Variants in TAF1 observed in about 807,000 individuals in gnomAD.
The protein encoded by TAF1 is transcription initiation factor TFIID subunit 1.
TAF1 carries 2 observed loss-of-function variants against 138.5 expected under a neutral mutation model. The ratio of observed to expected loss-of-function variants is 0.01; its 90% CI spans 0.01 to 0.05. The LOEUF (loss-of-function observed/expected upper bound fraction) is 0.05. TAF1 is among the 10% of genes least tolerant of loss of function. The pLI is 1.00. For synonymous variants in TAF1, 437 were observed against 503.2 expected (o/e 0.87, Z 1.76); for missense variants, 709 against 1,478.0 (o/e 0.48, Z 8.53).
At chrX:71,411,320 G>A (rs933607822) in intron 28 of TAF1, among the ~76,000 whole-genome samples, 3 of 111,350 alleles carry the variant, frequency 2.7e-5, no homozygotes, top group African/African-American at 9.8e-5. Flanking sequence ...GGCCTCAAGC[G>A]ATTCACTGAC....
rs368022706 is a variant in TAF1 at position 71,444,883 on chromosome X, G to A, written c.4754-9287G>A. On this transcript the variant is annotated intron_variant, in intron 32 of 37. Transcript: ENST00000423759. ...TGAGTAGCTGGGACTACAGTTGCCC[G>A]CCACCACACCCGGCTAATTTTTTCT... Among the ~76,000 whole-genome samples, 254 of 110,169 alleles carry A rather than the reference G, an allele frequency of 2.3e-3. 1 individual carries two copies. The highest frequency in any genetic ancestry group is 0.013 in the South Asian group (34 of 2,592).
At position 71,458,290 on chromosome X, in the gene TAF1, C is replaced by G. The variant is rs1268548823; in HGVS notation, c.4988C>G (p.Ala1663Gly). 1 of 1,211,547 alleles carries G rather than the reference C, an allele frequency of 8.3e-7. No individual in the cohort carries two copies. The highest frequency in any genetic ancestry group is 1.8e-5 in the South Asian group (1 of 56,983). Residue 1663 changes from alanine to glycine, a missense_variant, in exon 35 of 38, where the codon GCC becomes GGC. Coordinates refer to ENST00000423759, the MANE Select transcript of TAF1 (RefSeq NM_004606.5). Reference sequence around the variant, plus strand: ...ACATCCCTCAGTATGTCTCGAGATGCCTCTGTATTTCAAGATGAGAGCAAT... The same window carrying G: ...ACATCCCTCAGTATGTCTCGAGATGGCTCTGTATTTCAAGATGAGAGCAAT... ...TNTSLSMSRDASVFQDESNMS... is the reference protein window; with the variant it reads ...TNTSLSMSRDGSVFQDESNMS...
At position 71,384,014 on chromosome X, in the gene TAF1, G is replaced by A; in HGVS notation, c.2000G>A (p.Arg667His). The A allele has an allele frequency of 8.3e-7, 1 of 1,210,866 alleles. No individual in the cohort carries two copies. The highest frequency in any genetic ancestry group is 1.1e-6 in the Non-Finnish European group (1 of 895,298). ...GGTGGTGGAGAGATGTTTTTTATGC[G>A]CACACCTCAGGACCTCACAGGCAAA... ...ASGGGEMFFM[R>H]TPQDLTGKDG... The change falls in exon 13 of 38, where the codon CGC becomes CAC. Residue 667 changes from arginine to histidine, a missense_variant. By Grantham distance (29) the Arg-to-His change is conservative. Transcript: ENST00000423759.
intron 28 of TAF1, among the ~76,000 whole-genome samples, chrX:71,419,545 A>G (rs1172786780): frequency 9.0e-6 from 1 of 110,864 alleles, no homozygotes; most frequent in Admixed American, 9.6e-5. Context: ...AAGAAACACA[A>G]AAGGAAACAA....
intron 26 of TAF1, among the ~76,000 whole-genome samples, chrX:71,407,188 T>A (rs1316362368): frequency 9.2e-6 from 1 of 108,597 alleles, no homozygotes; most frequent in Non-Finnish European, 1.9e-5. Flanking sequence ...AGTGCTGGGA[T>A]TACAGTGAGC....
At chrX:71,456,366 G>A (rs1159166236) in intron 34 of TAF1, among the ~76,000 whole-genome samples, 2 of 111,737 alleles carry the variant, frequency 1.8e-5, no homozygotes, top group Non-Finnish European at 3.8e-5. Flanking sequence ...TTCCTATGAA[G>A]AGTAGGATTA....
At chrX:71,413,359 T>C (rs1357417665) in intron 28 of TAF1, among the ~76,000 whole-genome samples, 1 of 112,088 alleles carries the variant, frequency 8.9e-6, no homozygotes, top group African/African-American at 3.2e-5. Flanking sequence ...TGTTATTGTC[T>C]ATCTTTTTCC....
At chrX:71,382,450 C>T (rs2033956966) in intron 9 of TAF1, 86 bp from the exon 10 acceptor site, 95 of 1,137,746 alleles carry the variant, frequency 8.3e-5, no homozygotes, top group Non-Finnish European at 9.7e-5. Flanking sequence ...ACATCCGTCA[C>T]CTTAAAGAAG....
chrX:71,392,759 G>T lies in TAF1; in HGVS notation c.2931+41G>T, dbSNP rs750842781. The T allele has an allele frequency of 8.4e-6, 10 of 1,190,042 alleles. No individual in the cohort carries two copies. The South Asian group carries it at 1.3e-4, about 16-fold the overall frequency. ...TTTCTAGAATGAAAAAGTCAAGGGA[G>T]AAAGAAATGGGTGAGTGGAGGACTT... On this transcript the variant is annotated intron_variant, in intron 19 of 37. Coordinates refer to ENST00000423759, the MANE Select transcript of TAF1 (RefSeq NM_004606.5).
chrX:71,386,862 T>G (rs1172464604), intron 14 of TAF1, among the ~76,000 whole-genome samples: 1 of 113,144 alleles, frequency 8.8e-6, no homozygotes, highest in African/African-American at 3.2e-5. Flanking sequence ...AGTAGTATAG[T>G]ACTTGGTACA....
At chrX:71,467,148 G>A (rs993426521), downstream of TAF1, among the ~76,000 whole-genome samples, 10 of 101,622 alleles carry the variant, frequency 9.8e-5, no homozygotes, top group African/African-American at 3.3e-4. Flanking sequence ...AGAGGGGGAT[G>A]TGGCAGGGTC....
chrX:71,366,764 A>G (rs1283638162), intron 1 of TAF1, among the ~76,000 whole-genome samples: 2 of 111,312 alleles, frequency 1.8e-5, no homozygotes, highest in Non-Finnish European at 3.8e-5. Context: ...ACCAGACAGT[A>G]GGACACATGC....
At chrX:71,453,073 G>A (rs947310714) in intron 32 of TAF1, among the ~76,000 whole-genome samples, 36 of 110,561 alleles carry the variant, frequency 3.3e-4, no homozygotes, top group Non-Finnish European at 4.9e-4. Context: ...GAGGGAGACC[G>A]TGGGGAGACG....
chrX:71,380,547 G>A (rs2033813757), intron 8 of TAF1, among the ~76,000 whole-genome samples: 1 of 110,121 alleles, frequency 9.1e-6, no homozygotes, highest in South Asian at 3.9e-4. Flanking sequence ...TCAGGGGCAT[G>A]CCACCACGTC....
intron 13 of TAF1, among the ~76,000 whole-genome samples, chrX:71,509,585 C>T (rs1242335893): frequency 9.0e-6 from 1 of 111,345 alleles, no homozygotes; most frequent in Non-Finnish European, 1.9e-5. Context: ...CACCTGTAAT[C>T]TCAGCACTTT....
intron 32 of TAF1, among the ~76,000 whole-genome samples, chrX:71,436,443 C>T (rs2037149095): frequency 9.2e-6 from 1 of 109,004 alleles, no homozygotes; most frequent in African/African-American, 3.3e-5. Context: ...TCTCTATCTC[C>T]TGACCTCGTG....
At position 71,486,522 on chromosome X, in the gene TAF1, C is replaced by CT. The variant is rs750926740; in HGVS notation, c.1366+25736dup. Among the ~76,000 whole-genome samples the CT allele has an allele frequency of 8.0e-3, 759 of 95,316 alleles. 2 individuals are homozygous for CT. Among genetic ancestry groups the CT allele is most frequent in the African/African-American group, 0.021 (545 of 26,249 alleles). 82.8% of individuals were successfully genotyped at this position (95,316 alleles called of 115,157 possible). ...GGTGCACACCACCACGCCTGGCTAT[C>CT]TTTTTTTTTTTTTTTTTCTGTAGAG... On this transcript the variant is annotated intron_variant and NMD_transcript_variant, in intron 13 of 14. Coordinates refer to the TAF1 transcript ENST00000373775.
chrX:71,509,057 C>G (rs1455213731), intron 13 of TAF1, among the ~76,000 whole-genome samples: 6 of 110,105 alleles, frequency 5.4e-5, no homozygotes, highest in African/African-American at 2.0e-4. Flanking sequence ...ATCTGCCCGC[C>G]TCGGCCTCCC....
At chrX:71,466,329 C>G (rs1446987049), downstream of TAF1, 1 of 109,750 alleles carries the variant, frequency 9.1e-6, no homozygotes, top group Non-Finnish European at 1.9e-5. Context: ...TCACTGCAAC[C>G]TCCACCTCCC....
Sources: gnomAD v4.1 joint callset for allele counts (sites outside exome capture counted in the v4.1 genomes callset) on GRCh38, gnomAD v4.1.1 for gene constraint, MANE v1.5 for transcripts, NCBI Gene and HGNC (gene_info 2026-07-23, HGNC 2026-07-21) for gene names.